Variants in RHBDF2 observed in about 807,000 individuals in gnomAD.
RHBDF2 encodes the protein inactive rhomboid protein 2.
RHBDF2 carries 38 observed loss-of-function variants against 95.2 expected under a neutral mutation model. That is an observed-to-expected ratio of 0.40 (90% CI 0.31 to 0.52). RHBDF2 has a LOEUF of 0.52. RHBDF2 is among the 20% of genes least tolerant of loss of function. The pLI, the probability that RHBDF2 is intolerant of heterozygous loss-of-function variation, is 0.56. For missense variants in RHBDF2, 863 were observed against 1,137.7 expected, an observed-to-expected ratio of 0.76 and a Z score of 3.47; for synonymous variants, 442 against 462.0, an observed-to-expected ratio of 0.96 and a Z score of 0.55.
intron 6 of RHBDF2, among the ~76,000 whole-genome samples, 174 bp from the exon 7 acceptor site, chr17:76,477,959 G>C (rs1459864614): frequency 6.6e-6 from 1 of 152,248 alleles, no homozygotes; most frequent in Non-Finnish European, 1.5e-5. Flanking sequence ...GAGCTCCTGA[G>C]ACTGGAAGGC....
At chr17:76,479,656 G>C in intron 4 of RHBDF2, 77 bp downstream of exon 4, 1 of 1,144,860 alleles carries the variant, frequency 8.7e-7, no homozygotes, top group Admixed American at 1.9e-5. Flanking sequence ...CAGGGACCAG[G>C]CCCAATCATG....
At chr17:76,490,987 G>T (rs966247484) in intron 1 of RHBDF2, among the ~76,000 whole-genome samples, 2 of 152,138 alleles carry the variant, frequency 1.3e-5, no homozygotes, top group Non-Finnish European at 2.9e-5. Flanking sequence ...CTAACTGAAT[G>T]GGAAGCTAGT....
chr17:76,486,735 A>AT lies in RHBDF2; in HGVS notation c.-22+976_-22+977insA, dbSNP rs2074140169. Among the ~76,000 whole-genome samples the AT allele has an allele frequency of 1.4e-4, 22 of 151,890 alleles. 2 individuals are homozygous for AT. The South Asian group carries it at 4.2e-3, about 29-fold the overall frequency. On this transcript the variant is annotated intron_variant, in intron 2 of 18. Transcript: ENST00000675367. Reference sequence around the variant, plus strand: ...TCTCAAAATATAAATAAATAAATAAAAACACTGATGGTACACTTTAAATGG... The same window carrying AT: ...TCTCAAAATATAAATAAATAAATAAATAACACTGATGGTACACTTTAAATGG...
rs1228203051 is a variant in RHBDF2, at chr17:76,474,423, C to T, written c.1414G>A (p.Val472Ile). The T allele has an allele frequency of 6.2e-6, 10 of 1,613,860 alleles. No individual in the cohort carries two copies. The highest frequency in any genetic ancestry group is 6.8e-6 in the Non-Finnish European group (8 of 1,180,004). The change falls in exon 12 of 19, where the codon GTC (valine) becomes ATC (isoleucine). Residue 472 changes from valine (V) to isoleucine (I), a missense_variant. Coordinates refer to ENST00000675367, the MANE Select transcript of RHBDF2 (RefSeq NM_001005498.4). The part of the protein sequence containing the change: ...RDLERDSGCC[V>I]QNDHSGCIQT... The stretch of plus-strand genomic sequence containing the variant: ...ATGCATCCGGAGTGGTCATTCTGGA[C>T]ACAGCAGCCTGAGTCCCGCTCCAGG...
rs182556773 is a variant in RHBDF2 at position 76,477,306 on chromosome 17, G to T, written c.802-8C>A. On this transcript the variant is annotated splice_polypyrimidine_tract_variant and splice_region_variant and intron_variant, in intron 7 of 18. Transcript: ENST00000675367. ...CATGGAGCTCATTTCTTCCTGGGGT[G>T]GGGGACAAGAAAATACAGTGTAAGG... is the stretch of plus-strand genomic sequence containing the variant. 28 of 1,610,570 alleles carry T rather than the reference G, an allele frequency of 1.7e-5. No individual in the cohort carries two copies. The highest frequency in any genetic ancestry group is 2.4e-5 in the Non-Finnish European group (28 of 1,178,782).
intron 1 of RHBDF2, among the ~76,000 whole-genome samples, chr17:76,498,022 C>T (rs1229597574): frequency 6.6e-6 from 1 of 152,202 alleles, no homozygotes; most frequent in East Asian, 1.9e-4. Context: ...CAGCTGGGCG[C>T]CCGGATACAT....
chr17:76,479,205 C>T lies in RHBDF2; in HGVS notation c.345G>A (p.Leu115=). The part of the protein sequence containing the change: ...GQRQQWQRRS[L]HHCSMRYGRL... ...GGCCGTAGCGCATGCTGCAGTGGTG[C>T]AGGCTGCGGCGCTGCCACTGCTGCC... The change falls in exon 5 of 19, where the codon CTG becomes CTA. Residue 115 remains leucine (L), a synonymous_variant. Transcript: ENST00000675367. 1 of 1,610,466 alleles carries T rather than the reference C, an allele frequency of 6.2e-7. No individual in the cohort carries two copies. The highest frequency in any genetic ancestry group is 8.5e-7 in the Non-Finnish European group (1 of 1,179,422).
intron 1 of RHBDF2, among the ~76,000 whole-genome samples, chr17:76,493,490 G>A (rs1403469276): frequency 6.6e-6 from 1 of 150,498 alleles, no homozygotes; most frequent in Non-Finnish European, 1.5e-5. Flanking sequence ...GTGGCAAGAA[G>A]GCTGGCTGGG....
rs1369501906 is a variant in RHBDF2 at position 76,472,612 on chromosome 17, C to T, written c.2064+74G>A. 3 of 1,592,026 alleles carry T rather than the reference C, an allele frequency of 1.9e-6. No individual in the cohort carries two copies. In the African/African-American group the frequency reaches 4.0e-5, roughly 21 times the overall value. ...GGGGCACCGTGTCCCTCTGGCAGAT[C>T]CCAGGTGGGTGGAATAGGAGCAGCA... On this transcript the variant is annotated intron_variant, in intron 18 of 18. Transcript: ENST00000675367.
intron 2 of RHBDF2, among the ~76,000 whole-genome samples, chr17:76,482,918 C>T (rs568287515): frequency 6.6e-6 from 1 of 152,034 alleles, no homozygotes; most frequent in East Asian, 1.9e-4. Flanking sequence ...ACGTACAATC[C>T]CAACACTTTG....
At chr17:76,488,502 A>AAAAAC (rs113959587) in intron 1 of RHBDF2, among the ~76,000 whole-genome samples, 2 of 151,328 alleles carry the variant, frequency 1.3e-5, no homozygotes, top group Non-Finnish European at 2.9e-5. Context: ...TCTGCCTCAA[A>AAAAAC]AAACAAACAA....
Position 76,477,754 on chromosome 17 carries a change from C to T in RHBDF2, c.704G>A (p.Arg235Gln), listed in dbSNP as rs145136848. 120 of 1,613,192 alleles carry T rather than the reference C, an allele frequency of 7.4e-5. 1 individual carries two copies. The African/African-American group carries it at 1.3e-3, about 18-fold the overall frequency. The change falls in exon 7 of 19, where the codon CGG (arginine) becomes CAG (glutamine). Residue 235 changes from arginine to glutamine, a missense_variant. By Grantham distance (43) the Arg-to-Gln change is conservative. Coordinates refer to ENST00000675367, the MANE Select transcript of RHBDF2 (RefSeq NM_001005498.4). ...GRSVLDATGQ[R>Q]CRVVKRSFAF... ...AAAGCTGCGCTTGACCACCCGGCAC[C>T]GCTGTCCGGTGGCATCCAGCACCGA...
intron 1 of RHBDF2, among the ~76,000 whole-genome samples, chr17:76,494,495 T>C (rs1347628143): frequency 6.6e-6 from 1 of 152,144 alleles, no homozygotes; most frequent in East Asian, 1.9e-4. Context: ...CTCACACCTG[T>C]AATCCCAGCA....
intron 1 of RHBDF2, among the ~76,000 whole-genome samples, chr17:76,495,814 C>A (rs56289512): frequency 1.3e-5 from 2 of 152,282 alleles, no homozygotes; most frequent in Non-Finnish European, 2.9e-5. Context: ...AGCTTGTAAA[C>A]GGTCATTAAG....
chr17:76,480,302 C>T (rs1392375045), intron 3 of RHBDF2, among the ~76,000 whole-genome samples: 4 of 150,392 alleles, frequency 2.7e-5, no homozygotes, highest in South Asian at 2.1e-4. Flanking sequence ...AGGCTGGTCT[C>T]GAACTCCTGC....
chr17:76,499,354 A>G (rs1247828218), intron 1 of RHBDF2, among the ~76,000 whole-genome samples: 2 of 152,102 alleles, frequency 1.3e-5, no homozygotes, highest in Non-Finnish European at 2.9e-5. Flanking sequence ...GCTTCATCCG[A>G]TCCTCTCCCA....
In RHBDF2 at chr17:76,472,064, C is replaced by T; in HGVS notation, c.2065-12G>A. 1 of 1,544,840 alleles carries T rather than the reference C, an allele frequency of 6.5e-7. No individual in the cohort carries two copies. Among genetic ancestry groups the T allele is most frequent in the Non-Finnish European group, 8.7e-7 (1 of 1,145,440 alleles). ...CCGGCCGGGCCCACCTGGGGCGGGG[C>T]AGGGGAGACGTGGCTTCAGGCATCA... On this transcript the variant is annotated splice_polypyrimidine_tract_variant and intron_variant, in intron 18 of 18. Transcript: ENST00000675367.
intron 2 of RHBDF2, among the ~76,000 whole-genome samples, chr17:76,484,468 T>C (rs987725834): frequency 6.6e-6 from 1 of 151,860 alleles, no homozygotes; most frequent in African/African-American, 2.4e-5. Context: ...CATCTGAACC[T>C]GTCCTCCTCC....
At chr17:76,477,134 C>G in intron 8 of RHBDF2, 46 bp downstream of exon 8, 1 of 1,610,966 alleles carries the variant, frequency 6.2e-7, no homozygotes, top group Non-Finnish European at 8.5e-7. Flanking sequence ...GGGATGCCCC[C>G]AGGCTGGTGG....
Sources: allele counts gnomAD v4.1 joint callset (sites outside exome capture counted in the v4.1 genomes callset), GRCh38; gene constraint gnomAD v4.1.1; transcripts MANE v1.5; gene names NCBI Gene and HGNC (gene_info 2026-07-23, HGNC 2026-07-21).